Variants in OSBP2 observed in about 807,000 individuals in gnomAD.
The protein encoded by OSBP2 is oxysterol binding protein 2.
Under a neutral mutation model 96.0 loss-of-function variants are expected in OSBP2, and 66 were observed. That is an observed-to-expected ratio of 0.69 (90% CI 0.56 to 0.84). The LOEUF (loss-of-function observed/expected upper bound fraction) is 0.84. OSBP2 is among the 40% of genes least tolerant of loss of function. OSBP2 has a pLI of 0.00. For missense variants in OSBP2, 1,038 were observed against 1,222.7 expected, an observed-to-expected ratio of 0.85 and a Z score of 2.25; for synonymous variants, 525 against 520.9, an observed-to-expected ratio of 1.01 and a Z score of -0.11.
chr22:30,738,223 C>T (rs764173113), intron 1 of OSBP2, among the ~76,000 whole-genome samples: 11 of 152,066 alleles, frequency 7.2e-5, no homozygotes, highest in South Asian at 2.1e-4. Flanking sequence ...CTGCCCCTCA[C>T]CTGGTGGTCT....
At chr22:30,861,537 G>C (rs2039211024) in intron 2 of OSBP2, among the ~76,000 whole-genome samples, 1 of 152,190 alleles carries the variant, frequency 6.6e-6, no homozygotes, top group Non-Finnish European at 1.5e-5. Context: ...GCCTGCCAGA[G>C]TTTCGTGATT....
In OSBP2 at chr22:30,821,251, ATACAGTG is replaced by A. The variant is rs570055515; in HGVS notation, c.854-49172_854-49166del. Among the ~76,000 whole-genome samples, 606 of 152,334 alleles carry A rather than the reference ATACAGTG, an allele frequency of 4.0e-3. 5 individuals are homozygous for A. Among genetic ancestry groups the A allele is most frequent in the African/African-American group, 0.014 (573 of 41,584 alleles). ...GAGTGGGAGAGTGTCAGCGTCTGAC[ATACAGTG>A]TACAGGATCTCTCAGCTGTTATATT... On this transcript the variant is annotated intron_variant, in intron 2 of 13. Transcript: ENST00000332585.
chr22:30,698,445 T>C (rs5753279), intron 1 of OSBP2, among the ~76,000 whole-genome samples: 18,695 of 143,760 alleles, frequency 0.13, 1,943 homozygotes, highest in East Asian at 0.41. Context: ...TTCTTTTTCT[T>C]TTTTTTTTTT....
chr22:30,843,440 T>A lies in OSBP2; in HGVS notation c.854-26989T>A, dbSNP rs547082999. Reference sequence around the variant, plus strand: ...GGAAGCCACAGTACGTTTTCAGGAATCTTTCCCCCCTCCCCCTTGAGCAAT... The same window carrying A: ...GGAAGCCACAGTACGTTTTCAGGAAACTTTCCCCCCTCCCCCTTGAGCAAT... On this transcript the variant is annotated intron_variant, in intron 2 of 13. Transcript: ENST00000332585. 3.7e-5 allele frequency among the ~76,000 whole-genome samples: 4 copies of A among 108,666 alleles called. No individual in the cohort carries two copies. The South Asian group carries it at 1.2e-3, about 31-fold the overall frequency. 71.3% of individuals were successfully genotyped at this position (108,666 alleles called of 152,430 possible). A position where few individuals can be genotyped will look rare whatever the true frequency, so the allele number is the denominator to read the frequency against.
intron 2 of OSBP2, among the ~76,000 whole-genome samples, chr22:30,863,328 C>T (rs1197525466): frequency 6.6e-6 from 1 of 152,184 alleles, no homozygotes; most frequent in Non-Finnish European, 1.5e-5. Context: ...GCGCCAACCA[C>T]ACGGGCTGGG....
intron 1 of OSBP2, among the ~76,000 whole-genome samples, chr22:30,738,707 C>A (rs1318419482): frequency 6.6e-6 from 1 of 151,986 alleles, no homozygotes; most frequent in Non-Finnish European, 1.5e-5. Flanking sequence ...ACTACAGGTA[C>A]CCGCCACCGT....
At chr22:30,902,070 C>T (rs1387652453) in intron 12 of OSBP2, 2 of 374,550 alleles carry the variant, frequency 5.3e-6, no homozygotes, top group African/African-American at 4.3e-5. Context: ...AACTAAACCC[C>T]AGTAACATGA....
rs182158449 is a variant in OSBP2 at position 30,854,960 on chromosome 22, C to T, written c.854-15469C>T. Among the ~76,000 whole-genome samples, 371 of 117,714 alleles carry T rather than the reference C, an allele frequency of 3.2e-3. 10 individuals are homozygous for T. The highest frequency in any genetic ancestry group is 0.027 in the Admixed American group (332 of 12,366). 77.2% of individuals were successfully genotyped at this position (117,714 alleles called of 152,430 possible). On this transcript the variant is annotated intron_variant, in intron 2 of 13. Coordinates refer to ENST00000332585, the MANE Select transcript of OSBP2 (RefSeq NM_030758.4). ...CATGGCAGCAGCAAGGAGAACAGAGCGAAGTTGGGTGAAAGCCAACTTATA... is the reference window on the plus strand; with the variant it reads ...CATGGCAGCAGCAAGGAGAACAGAGTGAAGTTGGGTGAAAGCCAACTTATA...
chr22:30,711,351 A>G (rs1223527511), intron 1 of OSBP2, among the ~76,000 whole-genome samples: 1 of 152,018 alleles, frequency 6.6e-6, no homozygotes, highest in Non-Finnish European at 1.5e-5. Flanking sequence ...ATATAAATAC[A>G]TTTATATCCT....
chr22:30,899,543 TC>T (rs2040150311), intron 12 of OSBP2, among the ~76,000 whole-genome samples: 1 of 152,152 alleles, frequency 6.6e-6, no homozygotes, highest in South Asian at 2.1e-4. Context: ...AGATGAATTC[TC>T]CCTATTTTTT....
intron 7 of OSBP2, 120 bp downstream of exon 7, chr22:30,889,756 C>T: frequency 1.1e-6 from 1 of 872,242 alleles, no homozygotes; most frequent in Non-Finnish European, 1.8e-6. Flanking sequence ...TTCTTAACGG[C>T]ACCTGAGGAG....
At chr22:30,788,873 C>T (rs1269767073) in intron 2 of OSBP2, among the ~76,000 whole-genome samples, 3 of 152,044 alleles carry the variant, frequency 2.0e-5, no homozygotes, top group South Asian at 2.1e-4. Context: ...CCACCACACC[C>T]GGCTAATTTT....
rs138166241 is a variant in OSBP2, at chr22:30,780,892, G to A, written c.853+39523G>A. Among the ~76,000 whole-genome samples the A allele has an allele frequency of 8.5e-3, 1,290 of 152,332 alleles. 25 individuals are homozygous for A. Among genetic ancestry groups the A allele is most frequent in the Admixed American group, 0.027 (406 of 15,306 alleles). On this transcript the variant is annotated intron_variant, in intron 2 of 13. Coordinates refer to ENST00000332585, the MANE Select transcript of OSBP2 (RefSeq NM_030758.4). ...CAAATGTAAAAACCTCCAGTGGGGTGACCAGGGAGCTGGGCTTTCCCAGGA... is the reference window on the plus strand; with the variant it reads ...CAAATGTAAAAACCTCCAGTGGGGTAACCAGGGAGCTGGGCTTTCCCAGGA...
At chr22:30,764,421 C>G in intron 2 of OSBP2, 1 of 983,318 alleles carries the variant, frequency 1.0e-6, no homozygotes, top group Middle Eastern at 5.2e-4. Context: ...TCCTCCTGTT[C>G]CTGTTGGGTG....
Position 30,893,675 on chromosome 22 carries a change from A to T in OSBP2, c.2132A>T (p.Asp711Val). The T allele has an allele frequency of 6.2e-7, 1 of 1,614,084 alleles. No homozygotes were observed. The highest frequency in any genetic ancestry group is 1.6e-4 in the Middle Eastern group (1 of 6,062). Residue 711 changes from aspartate to valine, a missense_variant, in exon 11 of 14, where the codon GAC (aspartate) becomes GTC (valine). By Grantham distance (152) the Asp-to-Val change is radical. Transcript: ENST00000332585. ...DIEIVNHKTNDRCQLKFLPYS... is the reference protein window; with the variant it reads ...DIEIVNHKTNVRCQLKFLPYS... ...GAGATTGTGAACCATAAGACCAATG[A>T]CCGGTGCCAGCTGAAGTTCCTGCCC...
intron 2 of OSBP2, among the ~76,000 whole-genome samples, chr22:30,814,017 G>C (rs945426040): frequency 6.6e-6 from 1 of 151,986 alleles, no homozygotes; most frequent in East Asian, 1.9e-4. Context: ...GACCAGGCTG[G>C]TCTCGAACTC....
intron 2 of OSBP2, among the ~76,000 whole-genome samples, chr22:30,793,632 CA>C (rs1419519814): frequency 4.6e-5 from 7 of 152,034 alleles, no homozygotes; most frequent in African/African-American, 1.4e-4. Flanking sequence ...CAAAAAAATA[CA>C]AAAATTAACT....
chr22:30,711,724 A>G (rs1365827546), intron 1 of OSBP2, among the ~76,000 whole-genome samples: 1 of 148,870 alleles, frequency 6.7e-6, no homozygotes, highest in Non-Finnish European at 1.5e-5. Context: ...TGGGTGACAC[A>G]ATGAGACCCT....
chr22:30,722,423 A>G (rs1372074302), intron 1 of OSBP2, among the ~76,000 whole-genome samples: 1 of 152,180 alleles, frequency 6.6e-6, no homozygotes, highest in Non-Finnish European at 1.5e-5. Context: ...CTTAACTTTC[A>G]TTTATAAATA....
Sources: allele counts gnomAD v4.1 joint callset (sites outside exome capture counted in the v4.1 genomes callset), GRCh38; gene constraint gnomAD v4.1.1; transcripts MANE v1.5; gene names NCBI Gene and HGNC (gene_info 2026-07-23, HGNC 2026-07-21).